Variants in TENM4 observed in about 807,000 individuals in gnomAD.
The protein encoded by TENM4 is teneurin-4.
TENM4 carries 82 observed loss-of-function variants against 243.3 expected under a neutral mutation model. The ratio of observed to expected loss-of-function variants is 0.34; its 90% CI spans 0.28 to 0.40. TENM4 has a LOEUF of 0.40. TENM4 is among the 10% of genes least tolerant of loss of function. TENM4 has a pLI of 1.00. For missense variants in TENM4, 3,138 were observed against 3,673.3 expected, an observed-to-expected ratio of 0.85 and a Z score of 3.77; for synonymous variants, 1,412 against 1,456.3, an observed-to-expected ratio of 0.97 and a Z score of 0.69.
At chr11:79,112,920 T>G (rs1251551883) in intron 4 of TENM4, among the ~76,000 whole-genome samples, 1 of 152,180 alleles carries the variant, frequency 6.6e-6, no homozygotes, top group African/African-American at 2.4e-5. Context: ...CCGTTCATAT[T>G]GACAAAGGCA....
At chr11:78,689,937 C>T (rs58496669) in intron 28 of TENM4, among the ~76,000 whole-genome samples, 11,788 of 152,264 alleles carry the variant, frequency 0.077, 506 homozygotes, top group Middle Eastern at 0.14. Context: ...GCCTCTGCGG[C>T]TGGGGCCTTT....
chr11:78,992,802 T>C (rs1858078824), intron 6 of TENM4, among the ~76,000 whole-genome samples: 4 of 152,230 alleles, frequency 2.6e-5, no homozygotes, highest in Non-Finnish European at 2.9e-5. Flanking sequence ...GGCAATTTAC[T>C]TAGCTCTTTG....
At chr11:79,137,722 AG>A (rs965311791) in intron 4 of TENM4, among the ~76,000 whole-genome samples, 2 of 152,178 alleles carry the variant, frequency 1.3e-5, no homozygotes, top group African/African-American at 4.8e-5. Context: ...ATGTGACATA[AG>A]ATTTATTAAC....
At chr11:79,189,635 T>C (rs1177802400) in intron 3 of TENM4, among the ~76,000 whole-genome samples, 1 of 152,206 alleles carries the variant, frequency 6.6e-6, no homozygotes, top group Non-Finnish European at 1.5e-5. Flanking sequence ...CAAAGCTAGG[T>C]CTTAATCGTC....
chr11:78,781,322 T>G (rs1856833342), intron 16 of TENM4, among the ~76,000 whole-genome samples: 1 of 152,230 alleles, frequency 6.6e-6, no homozygotes, highest in Admixed American at 6.5e-5. Context: ...ATGAAGATGA[T>G]GGCAGTAGGC....
rs201203052 is a variant in TENM4 at position 78,732,415 on chromosome 11, C to A, written c.3039G>T (p.Leu1013=). The A allele has an allele frequency of 6.2e-6, 10 of 1,613,784 alleles. No individual in the cohort carries two copies. Among genetic ancestry groups the A allele is most frequent in the Non-Finnish European group, 8.5e-6 (10 of 1,179,868 alleles). Residue 1013 remains leucine (L), a synonymous_variant, in exon 21 of 34, where the codon CTG becomes CTT. Coordinates refer to ENST00000278550, the MANE Select transcript of TENM4 (RefSeq NM_001098816.3). The stretch of plus-strand genomic sequence containing the variant: ...CTGGGTTGGGGCGGGCAAAATTGCT[C>A]AGGTCACAGCTGGGAATCTCATTCT... The part of the protein sequence containing the change: ...HEENEIPSCD[L]SNFARPNPVV...
intron 1 of TENM4, among the ~76,000 whole-genome samples, chr11:79,344,378 TG>T (rs1184238968): frequency 6.6e-6 from 1 of 152,080 alleles, no homozygotes; most frequent in Non-Finnish European, 1.5e-5. Flanking sequence ...GAGTCTGACC[TG>T]GGCATGCACT....
At chr11:79,025,822 A>T (rs1403255752) in intron 6 of TENM4, among the ~76,000 whole-genome samples, 2 of 152,178 alleles carry the variant, frequency 1.3e-5, no homozygotes, top group Non-Finnish European at 2.9e-5. Context: ...TTTTACAGGA[A>T]CAACAGGAAC....
intron 32 of TENM4, 117 bp downstream of exon 32, chr11:78,668,820 A>G: frequency 7.6e-7 from 1 of 1,321,682 alleles, no homozygotes; most frequent in Non-Finnish European, 1.0e-6. Flanking sequence ...ATGCTGCTCT[A>G]AGAGAAAGTC....
At chr11:79,330,197 G>A (rs925255594) in intron 1 of TENM4, among the ~76,000 whole-genome samples, 13 of 152,232 alleles carry the variant, frequency 8.5e-5, no homozygotes, top group African/African-American at 3.1e-4. Context: ...AGCAACTCTT[G>A]AAGCTGGTGT....
intron 1 of TENM4, among the ~76,000 whole-genome samples, chr11:79,329,125 G>A (rs1329808123): frequency 6.6e-6 from 1 of 152,182 alleles, no homozygotes; most frequent in Non-Finnish European, 1.5e-5. Flanking sequence ...GCAAGTGGCA[G>A]CCTTCACTAG....
intron 5 of TENM4, among the ~76,000 whole-genome samples, chr11:79,067,122 G>T (rs930740325): frequency 6.6e-6 from 1 of 152,110 alleles, no homozygotes; most frequent in Non-Finnish European, 1.5e-5. Flanking sequence ...GTTAATGTCC[G>T]CGGACCAGGC....
At chr11:79,283,213 A>AACAC (rs33993080) in intron 2 of TENM4, among the ~76,000 whole-genome samples, 4,706 of 135,970 alleles carry the variant, frequency 0.035, 85 homozygotes, top group East Asian at 0.063. Context: ...CACACACACA[A>AACAC]ACACACACAC....
chr11:79,374,068 A>G (rs1182211618), intron 1 of TENM4, among the ~76,000 whole-genome samples: 1 of 152,180 alleles, frequency 6.6e-6, no homozygotes, highest in African/African-American at 2.4e-5. Context: ...GAGCTCAACA[A>G]GTAAAAGAGG....
intron 1 of TENM4, among the ~76,000 whole-genome samples, chr11:79,405,867 A>T (rs905885511): frequency 1.3e-5 from 2 of 151,622 alleles, no homozygotes; most frequent in Non-Finnish European, 2.9e-5. Context: ...AAAAAAAAAA[A>T]AAAACAACTA....
chr11:78,667,296 G>C (rs544814993), intron 32 of TENM4, among the ~76,000 whole-genome samples: 1 of 152,232 alleles, frequency 6.6e-6, no homozygotes, highest in African/African-American at 2.4e-5. Context: ...CTCAATGTGT[G>C]ACAACATGGA....
intron 14 of TENM4, among the ~76,000 whole-genome samples, chr11:78,811,903 A>G (rs1857509116): frequency 6.6e-6 from 1 of 152,234 alleles, no homozygotes; most frequent in African/African-American, 2.4e-5. Flanking sequence ...GTAAGTGCTC[A>G]ATACATGACA....
chr11:79,268,347 G>T (rs1855914274), intron 2 of TENM4, among the ~76,000 whole-genome samples: 1 of 152,150 alleles, frequency 6.6e-6, no homozygotes, highest in African/African-American at 2.4e-5. Context: ...TACAAAACAG[G>T]CAACAGGCCT....
intron 1 of TENM4, among the ~76,000 whole-genome samples, chr11:79,427,429 C>T (rs1168666162): frequency 6.6e-6 from 1 of 152,026 alleles, no homozygotes; most frequent in Non-Finnish European, 1.5e-5. Context: ...AGCTATTAAA[C>T]ATCATGTTGG....
Sources: allele counts gnomAD v4.1 joint callset (sites outside exome capture counted in the v4.1 genomes callset), GRCh38; gene constraint gnomAD v4.1.1; transcripts MANE v1.5; gene names NCBI Gene and HGNC (gene_info 2026-07-23, HGNC 2026-07-21).